HNRNPL: variants seen among roughly 807,000 people sequenced by gnomAD.
The protein encoded by HNRNPL is heterogeneous nuclear ribonucleoprotein L.
Under a neutral mutation model 64.0 loss-of-function variants are expected in HNRNPL, and 12 were observed. The ratio of observed to expected loss-of-function variants is 0.19; its 90% confidence interval spans 0.12 to 0.30. HNRNPL has a LOEUF of 0.30. HNRNPL is among the 10% of genes least tolerant of loss of function. HNRNPL has a pLI of 1.00. For synonymous variants in HNRNPL, 385 were observed against 313.0 expected (o/e 1.23, Z -2.43); for missense variants, 484 against 797.4 (o/e 0.61, Z 4.73).
At chr19:38,841,422 C>T (rs1053052829) in intron 6 of HNRNPL, 1 of 366,884 alleles carries the variant, frequency 2.7e-6, no homozygotes, top group Non-Finnish European at 5.4e-6. Flanking sequence ...CAAAGCAAGA[C>T]AGTGGCTGAG....
Position 38,849,724 on chromosome 19 carries a change from C to CCCGGCTCCTCCA in HNRNPL, c.231_242dup (p.Gly78_Gly81dup), listed in dbSNP as rs1214285974. The CCCGGCTCCTCCA allele has an allele frequency of 7.3e-7, 1 of 1,376,394 alleles. No individual in the cohort carries two copies. Among genetic ancestry groups the CCCGGCTCCTCCA allele is most frequent in the Non-Finnish European group, 9.3e-7 (1 of 1,071,972 alleles). 85.3% of individuals were successfully genotyped at this position (1,376,394 alleles called of 1,614,324 possible). A position where few individuals can be genotyped will look rare whatever the true frequency, so the allele number is the denominator to read the frequency against. On this transcript the variant is annotated inframe_insertion, in exon 1 of 13. Transcript: ENST00000221419. ...CCCCACCGCCGCCGCCGCCCGCCGC[C>CCCGGCTCCTCCA]CCGGCTCCTCCACCGCCACCGCCGC...
Position 38,840,577 on chromosome 19 carries a change from A to T in HNRNPL, c.881-18T>A. On this transcript the variant is annotated intron_variant, in intron 6 of 12. Transcript: ENST00000221419. ...AGGGTCACCTGTGGAGAGAGAAAAC[A>T]GTTAGGAGTCTCACTCAGAAATTGG... is the stretch of plus-strand genomic sequence containing the variant. The T allele has an allele frequency of 6.4e-7, 1 of 1,563,256 alleles. No individual in the cohort carries two copies. The highest frequency in any genetic ancestry group is 8.7e-7 in the Non-Finnish European group (1 of 1,153,362).
At chr19:38,845,395 G>A (rs1568372792) in intron 4 of HNRNPL, 3 of 477,040 alleles carry the variant, frequency 6.3e-6, no homozygotes, top group African/African-American at 2.0e-5. Context: ...GTAAATAACA[G>A]AAAGAAAACA....
In HNRNPL at chr19:38,836,553, C is replaced by G; in HGVS notation, c.*169G>C. 1 of 454,816 alleles carries G rather than the reference C, an allele frequency of 2.2e-6. No homozygotes were observed. Among genetic ancestry groups the G allele is most frequent in the Non-Finnish European group, 3.8e-6 (1 of 260,650 alleles). The allele number at this position is 454,816 out of a possible 1,614,324, so 28.2% of individuals were successfully genotyped here. On this transcript the variant is annotated 3_prime_UTR_variant, in exon 13 of 13. Coordinates refer to ENST00000221419, the MANE Select transcript of HNRNPL (RefSeq NM_001533.3). ...CCCTCTCCCTCCCCCTGCAGATTTC[C>G]AGCGTTTCCATTAAGGTTAAGTAAG...
chr19:38,838,256 C>T, intron 10 of HNRNPL, 141 bp downstream of exon 10: 1 of 658,908 alleles, frequency 1.5e-6, no homozygotes, highest in Non-Finnish European at 2.7e-6. Context: ...CTGTCCTGGC[C>T]TCTGCTGTGT....
rs184836083 is a variant in HNRNPL at position 38,843,926 on chromosome 19, G to A, written c.808-12C>T. On this transcript the variant is annotated splice_polypyrimidine_tract_variant and intron_variant, in intron 5 of 12. Transcript: ENST00000221419. ...TTCAAGCGTGTAGGCTGCAAGGACAGGACAAGACAAGACTTGAGGTCAGCC... is the reference window on the plus strand; with the variant it reads ...TTCAAGCGTGTAGGCTGCAAGGACAAGACAAGACAAGACTTGAGGTCAGCC... 1.2e-4 allele frequency: 200 copies of A among 1,614,012 alleles called. No individual in the cohort carries two copies. The East Asian group carries it at 3.3e-3, about 27-fold the overall frequency.
At chr19:38,844,473 G>C (rs1972220130) in intron 4 of HNRNPL, among the ~76,000 whole-genome samples, 1 of 151,934 alleles carries the variant, frequency 6.6e-6, no homozygotes, top group Non-Finnish European at 1.5e-5. Context: ...GCTTTTTCCT[G>C]CCCCTGCCCC....
intron 8 of HNRNPL, 119 bp from the exon 9 acceptor site, chr19:38,839,134 G>C (rs539852555): frequency 1.5e-5 from 19 of 1,277,094 alleles, no homozygotes; most frequent in Admixed American, 5.8e-5. Flanking sequence ...ACAGTTAATC[G>C]GGACCACTAG....
Position 38,838,432 on chromosome 19 carries a change from C to T in HNRNPL, c.1522G>A (p.Ala508Thr). The T allele has an allele frequency of 1.2e-6, 2 of 1,613,152 alleles. No individual in the cohort carries two copies. The highest frequency in any genetic ancestry group is 8.5e-7 in the Non-Finnish European group (1 of 1,179,126). Residue 508 changes from alanine to threonine, a missense_variant, in exon 10 of 13, where the codon GCC (alanine) becomes ACC (threonine). This residue lies in a region of HNRNPL where 53 missense variants were observed against 131.3 expected (regional missense o/e 0.40). Coordinates refer to ENST00000221419, the MANE Select transcript of HNRNPL (RefSeq NM_001533.3). Reference sequence around the variant, plus strand: ...TTCTCCTCGGTCACCTCCAGCGGGGCGTTGAAGAAGTGCAGCACGTTGCTG... The same window carrying T: ...TTCTCCTCGGTCACCTCCAGCGGGGTGTTGAAGAAGTGCAGCACGTTGCTG... ...HPSNVLHFFN[A>T]PLEVTEENFF...
rs1438095116 is a variant in HNRNPL at position 38,837,445 on chromosome 19, T to C, written c.1650A>G (p.Glu550=). The C allele has an allele frequency of 6.2e-7, 1 of 1,614,216 alleles. No individual in the cohort carries two copies. The highest frequency in any genetic ancestry group is 8.5e-7 in the Non-Finnish European group (1 of 1,180,028). Residue 550 remains glutamate (E), a synonymous_variant, in exon 12 of 13, where the codon GAA becomes GAG. Coordinates refer to ENST00000221419, the MANE Select transcript of HNRNPL (RefSeq NM_001533.3). ...GAGTCTCCAGGGCATCGCTCTTGGA[T>C]TCCCACTCCAGCAGTCCAGAGGAGC... ...ERSSSGLLEW[E]SKSDALETLG... is the part of the protein sequence containing the mutation.
chr19:38,849,646 G>T, intron 1 of HNRNPL, 54 bp downstream of exon 1: 1 of 1,303,552 alleles, frequency 7.7e-7, no homozygotes, highest in Non-Finnish European at 9.7e-7. Context: ...CCCTCAAGCT[G>T]GGAAATTGTC....
In HNRNPL at chr19:38,849,920, A is replaced by G. The variant is rs1393576063; in HGVS notation, c.47T>C (p.Leu16Pro). The G allele has an allele frequency of 7.6e-7, 1 of 1,324,294 alleles. No homozygotes were observed. Among genetic ancestry groups the G allele is most frequent in the Non-Finnish European group, 1.0e-6 (1 of 974,364 alleles). The allele number at this position is 1,324,294 out of a possible 1,614,324, so 82.0% of individuals were successfully genotyped here. Reference sequence around the variant, plus strand: ...CTCGTCCGGCTGCTGCCTCTGCTCCAGCCGCCGACGCCGCTTCTCCGCCCG... The same window carrying G: ...CTCGTCCGGCTGCTGCCTCTGCTCCGGCCGCCGACGCCGCTTCTCCGCCCG... ...LPRAEKRRRR[L>P]EQRQQPDEQR... The change falls in exon 1 of 13, where the codon CTG becomes CCG. Residue 16 changes from leucine to proline, a missense_variant. Transcript: ENST00000221419.
At position 38,849,815 on chromosome 19, in the gene HNRNPL, C is replaced by T. The variant is rs1972444657; in HGVS notation, c.152G>A (p.Gly51Asp). ...GGGGGRYYGG[G>D]SEGGRAPKRL... ...CTTAGGGGCCCGGCCGCCCTCACTG[C>T]CGCCGCCGTAGTAGCGGCCACCGCC... is the stretch of plus-strand genomic sequence containing the variant. Residue 51 changes from glycine to aspartate, a missense_variant, in exon 1 of 13, where the codon GGC (glycine) becomes GAC (aspartate). Physicochemically the swap from Gly to Asp is moderately conservative, Grantham distance 94 (BLOSUM62 -1). This residue lies in a region of HNRNPL where 190 missense variants were observed against 160.1 expected (regional missense o/e 1.19). Transcript: ENST00000221419. 7.7e-7 allele frequency: 1 copy of T among 1,291,300 alleles called. No homozygotes were observed. Among genetic ancestry groups the T allele is most frequent in the Non-Finnish European group, 1.1e-6 (1 of 941,622 alleles). The allele number at this position is 1,291,300 out of a possible 1,614,324, so 80.0% of individuals were successfully genotyped here. A position where few individuals can be genotyped will look rare whatever the true frequency, so the allele number is the denominator to read the frequency against.
chr19:38,840,305 C>T lies in HNRNPL; in HGVS notation c.1024G>A (p.Gly342Arg), dbSNP rs1568368744. ...CCCACTGGTGGACCCATCCTTCTCCCTTCGTAGTGAGGTGGGGGGGGCCCG... is the reference window on the plus strand; with the variant it reads ...CCCACTGGTGGACCCATCCTTCTCCTTTCGTAGTGAGGTGGGGGGGGCCCG... ...GYGPPPPHYE[G>R]RRMGPPVGGH... is the part of the protein sequence containing the mutation. The change falls in exon 8 of 13, where the codon GGG becomes AGG. Residue 342 changes from glycine (G) to arginine (R), a missense_variant. Around this residue, in one of 9 missense-constraint regions of HNRNPL, gnomAD observed 46 missense variants for 37.4 expected, o/e 1.23. Transcript: ENST00000221419. 1.9e-6 allele frequency: 3 copies of T among 1,562,968 alleles called. No homozygotes were observed. The highest frequency in any genetic ancestry group is 1.7e-6 in the Non-Finnish European group (2 of 1,152,892).
chr19:38,839,132 T>C, intron 8 of HNRNPL, 117 bp from the exon 9 acceptor site: 1 of 1,297,252 alleles, frequency 7.7e-7, no homozygotes, highest in East Asian at 2.3e-5. Context: ...TCACAGTTAA[T>C]CGGGACCACT....
Position 38,836,600 on chromosome 19 carries a change from A to T in HNRNPL, c.*122T>A, listed in dbSNP as rs1269611173. The T allele has an allele frequency of 2.0e-4, 7 of 34,298 alleles. No individual in the cohort carries two copies. The highest frequency in any genetic ancestry group is 4.3e-4 in the Non-Finnish European group (5 of 11,638). 2.1% of individuals were successfully genotyped at this position (34,298 alleles called of 1,614,324 possible). On this transcript the variant is annotated 3_prime_UTR_variant, in exon 13 of 13. Transcript: ENST00000221419. Reference sequence around the variant, plus strand: ...TAAGCCTCTACAAACCTAGCATTTAAAAAAAAAAAAAAAAAAAAAAAAAAG... The same window carrying T: ...TAAGCCTCTACAAACCTAGCATTTATAAAAAAAAAAAAAAAAAAAAAAAAG...
intron 6 of HNRNPL, chr19:38,841,738 AT>A: frequency 4.1e-6 from 3 of 724,584 alleles, no homozygotes; most frequent in Admixed American, 2.6e-5. Context: ...ATCCGCTACA[AT>A]TTTTTTAAAG....
chr19:38,837,459 G>C lies in HNRNPL; in HGVS notation c.1636C>G (p.Leu546Val). The C allele has an allele frequency of 6.2e-7, 1 of 1,614,226 alleles. No homozygotes were observed. Among genetic ancestry groups the C allele is most frequent in the Non-Finnish European group, 8.5e-7 (1 of 1,180,012 alleles). The change falls in exon 12 of 13, where the codon CTG becomes GTG. Residue 546 changes from leucine (L) to valine (V), a missense_variant. Leu to Val is a conservative substitution (Grantham distance 32). Transcript: ENST00000221419. ...TCGCTCTTGGATTCCCACTCCAGCA[G>C]TCCAGAGGAGCTGCGCTCACCTGAT... ...SGKSERSSSG[L>V]LEWESKSDAL...
chr19:38,838,880 G>A lies in HNRNPL; in HGVS notation c.1355+14C>T, dbSNP rs200248378. 463 of 1,613,972 alleles carry A rather than the reference G, an allele frequency of 2.9e-4. 6 individuals are homozygous for A. In the East Asian group the frequency reaches 4.3e-3, roughly 15 times the overall value. On this transcript the variant is annotated intron_variant, in intron 9 of 12. Transcript: ENST00000221419. ...CCCTGTACCTCTGCTGCCCTCCCGA[G>A]CCTGAGCACCTACCAGACATTCAGC...
Sources: allele counts gnomAD v4.1 joint callset (sites outside exome capture counted in the v4.1 genomes callset), GRCh38; gene constraint gnomAD v4.1.1; regional missense constraint gnomAD v4.1.1; transcripts MANE v1.5; gene names NCBI Gene and HGNC (gene_info 2026-07-23, HGNC 2026-07-21).